The following GALK2 variants were observed in gnomAD, a reference collection of about 807,000 sequenced individuals.
GALK2 encodes the protein galactokinase 2, also known as N-acetylgalactosamine kinase.
Under a neutral mutation model 52.4 loss-of-function variants are expected in GALK2, and 36 were observed. That is an observed-to-expected ratio of 0.69 (90% CI 0.53 to 0.91). The LOEUF (loss-of-function observed/expected upper bound fraction) is 0.91, where lower values mean the gene tolerates loss of function less well. GALK2 is among the 40% of genes least tolerant of loss of function. The pLI, the probability that GALK2 is intolerant of heterozygous loss-of-function variation, is 0.00. For missense variants in GALK2, 579 were observed against 559.1 expected, an observed-to-expected ratio of 1.04 and a Z score of -0.36; for synonymous variants, 176 against 199.1, an observed-to-expected ratio of 0.88 and a Z score of 0.98.
At chr15:49,336,288 T>C (rs1050080208), downstream of GALK2, among the ~76,000 whole-genome samples, 3 of 152,232 alleles carry the variant, frequency 2.0e-5, no homozygotes, top group Non-Finnish European at 4.4e-5. Flanking sequence ...GTCCTGTCTG[T>C]TTCTGGTGCA....
At chr15:49,338,410 T>G (rs1011896274) in intron 3 of GALK2, among the ~76,000 whole-genome samples, 2 of 152,230 alleles carry the variant, frequency 1.3e-5, no homozygotes, top group African/African-American at 4.8e-5. Context: ...GATATGAAAT[T>G]CTGGGTTGAA....
upstream of GALK2, among the ~76,000 whole-genome samples, chr15:49,169,763 A>G (rs978063632): frequency 1.3e-5 from 2 of 152,182 alleles, no homozygotes; most frequent in Non-Finnish European, 2.9e-5. Flanking sequence ...ATAAATGCAA[A>G]TCTATTTAAA....
chr15:49,211,646 G>A (rs2088895734), intron 2 of GALK2, among the ~76,000 whole-genome samples: 1 of 152,160 alleles, frequency 6.6e-6, no homozygotes, highest in African/African-American at 2.4e-5. Flanking sequence ...CAGGAAGCAT[G>A]GCTGGGAAAG....
intron 5 of GALK2, among the ~76,000 whole-genome samples, chr15:49,273,222 T>C (rs1378780924): frequency 1.3e-5 from 2 of 152,262 alleles, no homozygotes; most frequent in Non-Finnish European, 2.9e-5. Flanking sequence ...GAGTGCTTAA[T>C]GCAAACTCTG....
intron 5 of GALK2, among the ~76,000 whole-genome samples, chr15:49,273,474 C>T (rs1335648853): frequency 5.3e-5 from 8 of 151,826 alleles, no homozygotes. Context: ...GCGAAAGTTG[C>T]TAATTCCTTT....
rs574842056 is a variant in GALK2 at position 49,235,276 on chromosome 15, A to C, written c.267-575A>C. Among the ~76,000 whole-genome samples the C allele has an allele frequency of 2.6e-5, 4 of 152,318 alleles. No individual in the cohort carries two copies. The South Asian group carries it at 8.3e-4, about 32-fold the overall frequency. On this transcript the variant is annotated intron_variant, in intron 3 of 9. Transcript: ENST00000560031. ...TCACATCATTCCTTCTATATCTATT[A>C]GTTAGCATTTTACCATAATAAAGAG...
intron 5 of GALK2, among the ~76,000 whole-genome samples, chr15:49,277,055 G>A (rs1017800473): frequency 4.0e-4 from 56 of 138,838 alleles, no homozygotes; most frequent in Non-Finnish European, 7.8e-4. Flanking sequence ...CTCACTGCAA[G>A]CTCCGCCTCC....
rs573150334 is a variant in GALK2 at position 49,339,354 on chromosome 15, T to G, written c.426+19549T>G. ...TTTTGTTGATGTTGATATTATTCCTTTCTGTTTGTTAGTTTTCCTTCTAAC... is the reference window on the plus strand; with the variant it reads ...TTTTGTTGATGTTGATATTATTCCTGTCTGTTTGTTAGTTTTCCTTCTAAC... On this transcript the variant is annotated intron_variant, in intron 3 of 3. Coordinates refer to the GALK2 transcript ENST00000558399. 2.0e-5 allele frequency among the ~76,000 whole-genome samples: 3 copies of G among 152,320 alleles called. No homozygotes were observed. The East Asian group carries it at 5.8e-4, about 29-fold the overall frequency.
At chr15:49,164,141 G>A (rs2084741008) in intron 1 of GALK2, among the ~76,000 whole-genome samples, 1 of 152,126 alleles carries the variant, frequency 6.6e-6, no homozygotes, top group Admixed American at 6.5e-5. Context: ...CCTTCAGAAT[G>A]CTCCAGACTG....
chr15:49,364,588 A>T (rs1346551950), intron 3 of GALK2, among the ~76,000 whole-genome samples: 1 of 148,054 alleles, frequency 6.8e-6, no homozygotes, highest in African/African-American at 2.4e-5. Flanking sequence ...ATTGGGTTTT[A>T]AAAAAACATA....
intron 2 of GALK2, among the ~76,000 whole-genome samples, chr15:49,214,300 C>G (rs2089189273): frequency 6.6e-6 from 1 of 150,490 alleles, no homozygotes; most frequent in African/African-American, 2.4e-5. Flanking sequence ...CCCCCCAAAA[C>G]TTTACCTTAA....
At chr15:49,364,486 C>G (rs1175806903) in intron 3 of GALK2, among the ~76,000 whole-genome samples, 6 of 151,580 alleles carry the variant, frequency 4.0e-5, no homozygotes, top group Non-Finnish European at 8.9e-5. Context: ...GTGTTTATTT[C>G]TATATATTAT....
At chr15:49,234,074 GCATA>G in intron 3 of GALK2, among the ~76,000 whole-genome samples, 1 of 152,152 alleles carries the variant, frequency 6.6e-6, no homozygotes, top group Non-Finnish European at 1.5e-5. Flanking sequence ...ACAATGATTG[GCATA>G]TAGTAGATAT....
intron 3 of GALK2, among the ~76,000 whole-genome samples, chr15:49,217,785 C>T (rs2089500826): frequency 6.6e-6 from 1 of 152,112 alleles, no homozygotes; most frequent in African/African-American, 2.4e-5. Context: ...AATGCCCTAG[C>T]ATATAAAACA....
intron 3 of GALK2, among the ~76,000 whole-genome samples, chr15:49,361,701 G>A (rs2044269680): frequency 6.6e-6 from 1 of 152,072 alleles, no homozygotes; most frequent in Non-Finnish European, 1.5e-5. Flanking sequence ...GTGTTGCAAT[G>A]AGCATACGCG....
chr15:49,252,537 A>G (rs1387358579), intron 5 of GALK2, among the ~76,000 whole-genome samples: 1 of 152,170 alleles, frequency 6.6e-6, no homozygotes, highest in Non-Finnish European at 1.5e-5. Flanking sequence ...AATACTTAAT[A>G]ATATTTCTTT....
chr15:49,205,954 A>G (rs1474905379), intron 2 of GALK2, among the ~76,000 whole-genome samples: 1 of 152,156 alleles, frequency 6.6e-6, no homozygotes, highest in African/African-American at 2.4e-5. Context: ...ACATGTGGCT[A>G]GCCAGTTATC....
At chr15:49,355,461 G>A (rs1362000882) in intron 3 of GALK2, among the ~76,000 whole-genome samples, 5 of 152,272 alleles carry the variant, frequency 3.3e-5, no homozygotes, top group South Asian at 2.1e-4. Flanking sequence ...CTCAGGAGCC[G>A]ATGCGATCAA....
intron 1 of GALK2, among the ~76,000 whole-genome samples, chr15:49,188,645 A>T (rs2086525017): frequency 6.6e-6 from 1 of 152,236 alleles, no homozygotes; most frequent in Non-Finnish European, 1.5e-5. Flanking sequence ...TTCTGTGGAT[A>T]GATAGTTGTT....
Sources: allele counts gnomAD v4.1 joint callset (sites outside exome capture counted in the v4.1 genomes callset), GRCh38; gene constraint gnomAD v4.1.1; transcripts MANE v1.5; gene names NCBI Gene and HGNC (gene_info 2026-07-23, HGNC 2026-07-21).